The following TTN variants were observed in gnomAD, a reference collection of about 807,000 sequenced individuals.
TTN encodes connectin.
TTN carries 1,525 observed loss-of-function variants against 3,223.0 expected under a neutral mutation model. The observed-to-expected ratio is 0.47, with a 90% CI of 0.45 to 0.49. TTN has a LOEUF of 0.49. Ranked by LOEUF, TTN falls within the 20% of genes least tolerant of loss-of-function variation. TTN has a pLI of 0.00. For synonymous variants in TTN, 14,094 were observed against 15,161.0 expected, an observed-to-expected ratio of 0.93 and a Z score of 5.17; for missense variants, 40,786 against 43,424.0, an observed-to-expected ratio of 0.94 and a Z score of 5.40.
At position 178,609,284 on chromosome 2, in the gene TTN, A is replaced by G. The variant is rs368435750; in HGVS notation, c.52026T>C (p.Pro17342=). The G allele has an allele frequency of 6.3e-7, 1 of 1,588,106 alleles. No homozygotes were observed. The highest frequency in any genetic ancestry group is 1.4e-5 in the African/African-American group (1 of 73,982). Residue 17342 remains proline, a synonymous_variant, in exon 273 of 363, where the codon CCT becomes CCC. Transcript: ENST00000589042. ...SQLRVRDSLR[P]DHGLYMIKVE... Reference sequence around the variant, plus strand: ...CTTTGATCATATACAGACCATGGTCAGGTCGGAGAGAATCTCGGACGCGTA... The same window carrying G: ...CTTTGATCATATACAGACCATGGTCGGGTCGGAGAGAATCTCGGACGCGTA...
intron 13 of TTN, among the ~76,000 whole-genome samples, chr2:178,786,495 G>C (rs952641916): frequency 2.6e-5 from 4 of 152,116 alleles, no homozygotes; most frequent in African/African-American, 9.7e-5. Flanking sequence ...TTTGGAGCTG[G>C]TTCTTTTCAC....
rs752748458 is a variant in TTN, at chr2:178,584,371, C to T, written c.65180G>A (p.Gly21727Asp). The T allele has an allele frequency of 6.2e-7, 1 of 1,613,140 alleles. No individual in the cohort carries two copies. The highest frequency in any genetic ancestry group is 1.3e-5 in the African/African-American group (1 of 74,870). ...TEYPCAGLVE[G>D]LEYSFRIYAL... The stretch of plus-strand genomic sequence containing the variant: ...ATAGATTCTGAATGAATACTCAAGA[C>T]CTTCTACAAGGCCAGCACAAGGATA... Residue 21727 changes from glycine (G) to aspartate (D), a missense_variant, in exon 311 of 363, where the codon GGT becomes GAT. Physicochemically the swap from Gly to Asp is moderately conservative, Grantham distance 94. Transcript: ENST00000589042.
chr2:178,632,044 C>T lies in TTN; in HGVS notation c.43747+103G>A, dbSNP rs2059870354. ...GATAGCTTCTTAAGGAGTTGGGCTG[C>T]TTTCATGCAATATAACACTTAGAAG... is the stretch of plus-strand genomic sequence containing the variant. On this transcript the variant is annotated intron_variant, in intron 236 of 362. Transcript: ENST00000589042. 3.9e-6 allele frequency: 5 copies of T among 1,287,092 alleles called. No homozygotes were observed. In the South Asian group the frequency reaches 9.9e-5, roughly 25 times the overall value. The allele number at this position is 1,287,092 out of a possible 1,614,324, so 79.7% of individuals were successfully genotyped here. A position where few individuals can be genotyped will look rare whatever the true frequency, so the allele number is the denominator to read the frequency against.
rs1242111129 is a variant in TTN, at chr2:178,741,660, A to G, written c.11573T>C (p.Val3858Ala). The G allele has an allele frequency of 1.2e-6, 2 of 1,613,758 alleles. No individual in the cohort carries two copies. Among genetic ancestry groups the G allele is most frequent in the South Asian group, 1.1e-5 (1 of 91,082 alleles). Residue 3858 changes from valine to alanine, a missense_variant, in exon 48 of 363, where the codon GTG becomes GCG. By Grantham distance (64) the Val-to-Ala change is moderately conservative. Coordinates refer to ENST00000589042, the MANE Select transcript of TTN (RefSeq NM_001267550.2). ...GTAGTCAGCAGAAGGGGTTAATAGC[A>G]CTCCATTAAAGAACCACTGAATTTT... ...KPKIQWFFNG[V>A]LLTPSADYKF... is the part of the protein sequence containing the mutation.
In TTN at chr2:178,563,934, C is replaced by T; in HGVS notation, c.82198G>A (p.Ala27400Thr). The T allele has an allele frequency of 1.2e-6, 2 of 1,613,646 alleles. No homozygotes were observed. Among genetic ancestry groups the T allele is most frequent in the Non-Finnish European group, 1.7e-6 (2 of 1,179,720 alleles). Residue 27400 changes from alanine to threonine, a missense_variant, in exon 326 of 363, where the codon GCT (alanine) becomes ACT (threonine). Transcript: ENST00000589042. This position sits in a 1 kb window ranked among gnomAD's most constrained non-coding sequence, Gnocchi z 4.5. Reference protein sequence around the residue: ...AWNPPLQDGGANISHYIIEKR... With the variant: ...AWNPPLQDGGTNISHYIIEKR... ...TCAATGATGTAATGTGAAATATTAGCACCACCATCTTGCAAAGGTGGGTTC... is the reference window on the plus strand; with the variant it reads ...TCAATGATGTAATGTGAAATATTAGTACCACCATCTTGCAAAGGTGGGTTC...
At chr2:178,554,413 A>T (rs983071889) in intron 332 of TTN, 40 bp downstream of exon 332, 21 of 1,588,086 alleles carry the variant, frequency 1.3e-5, no homozygotes, top group Non-Finnish European at 1.8e-5. Context: ...TTATTTTTAA[A>T]TTTTTCACGT....
Position 178,553,579 on chromosome 2 carries a change from CG to C in TTN, c.89425del (p.Arg29809GlyfsTer5). ...NLKPGVNYYF[R>X]VSAVNCAGQG... ...TCCAGCACAGTTTACAGCAGATACCCGGAAGTAGTAATTGACTCCAGGTTTC... is the reference window on the plus strand; with the variant it reads ...TCCAGCACAGTTTACAGCAGATACCCGAAGTAGTAATTGACTCCAGGTTTC... On this transcript the variant is annotated frameshift_variant, in exon 334 of 363. Coordinates refer to ENST00000589042, the MANE Select transcript of TTN (RefSeq NM_001267550.2). LOFTEE classifies it high-confidence loss of function. 6.2e-7 allele frequency: 1 copy of C among 1,613,840 alleles called. No homozygotes were observed.
rs763921804 is a variant in TTN, at chr2:178,689,815, T to A, written c.31844A>T (p.Lys10615Ile). ...VAKKKEAPPAKVPEVQKGVVT... is the reference protein window; with the variant it reads ...VAKKKEAPPAIVPEVQKGVVT... ...CTTTACGTCGAAAGCCACTGTACCT[T>A]TAGCTGGGGGAGCTTCCTTTTTCTT... The change falls in exon 122 of 363, where the codon AAA (lysine) becomes ATA (isoleucine). Residue 10615 changes from lysine (K) to isoleucine (I), a missense_variant and splice_region_variant. Coordinates refer to ENST00000589042, the MANE Select transcript of TTN (RefSeq NM_001267550.2). 2.5e-6 allele frequency: 4 copies of A among 1,608,358 alleles called. No homozygotes were observed. The East Asian group carries it at 8.9e-5, about 36-fold the overall frequency.
Position 178,721,897 on chromosome 2 carries a change from G to A in TTN, c.22766C>T (p.Ala7589Val). The stretch of plus-strand genomic sequence containing the variant: ...CATGTCTTTGCCAACATCATTGGTT[G>A]CTTGGCAAGTATATTGACCAGAGTC... Reference protein sequence around the residue: ...KGDSGQYTCQATNDVGKDMCS... With the variant: ...KGDSGQYTCQVTNDVGKDMCS... Residue 7589 changes from alanine to valine, a missense_variant, in exon 78 of 363, where the codon GCA becomes GTA. Transcript: ENST00000589042. 6.2e-7 allele frequency: 1 copy of A among 1,613,232 alleles called. No homozygotes were observed. Among genetic ancestry groups the A allele is most frequent in the Non-Finnish European group, 8.5e-7 (1 of 1,179,444 alleles).
chr2:178,528,507 T>C (rs1481377943), intron 360 of TTN, 21 bp downstream of exon 360: 3 of 1,597,148 alleles, frequency 1.9e-6, no homozygotes, highest in African/African-American at 2.7e-5. Flanking sequence ...TCTTCAATAA[T>C]ATATTCATAA....
rs72629787 is a variant in TTN at position 178,532,238 on chromosome 2, T to G, written c.104377A>C (p.Met34793Leu). The G allele has an allele frequency of 1.5e-3, 2,501 of 1,613,738 alleles. 52 individuals carry two copies. The African/African-American group carries it at 0.03, about 19-fold the overall frequency. Reference sequence around the variant, plus strand: ...TTTCTAGACTTTTCCTCCTTTGACATGAAGTCAAGTTCGCTTTTGTATTCT... The same window carrying G: ...TTTCTAGACTTTTCCTCCTTTGACAGGAAGTCAAGTTCGCTTTTGTATTCT... ...LSEYKSELDF[M>L]SKEEKSRKKS... Residue 34793 changes from methionine (M) to leucine (L), a missense_variant, in exon 358 of 363, where the codon ATG (methionine) becomes CTG (leucine). By Grantham distance (15) the Met-to-Leu change is conservative. Transcript: ENST00000589042.
Position 178,792,471 on chromosome 2 carries a change from A to C in TTN, c.1537-274T>G, listed in dbSNP as rs569912324. On this transcript the variant is annotated intron_variant, in intron 9 of 362. Coordinates refer to ENST00000589042, the MANE Select transcript of TTN (RefSeq NM_001267550.2). The stretch of plus-strand genomic sequence containing the variant: ...GTAGTCTTCTTTAAAATGACTTCCA[A>C]TGTTTACAAATAGATCTATGGCAAT... Among the ~76,000 whole-genome samples the C allele has an allele frequency of 2.0e-5, 3 of 152,332 alleles. No homozygotes were observed. In the South Asian group the frequency reaches 6.2e-4, roughly 32 times the overall value.
In TTN at chr2:178,560,213, G is replaced by C. The variant is rs952971526; in HGVS notation, c.85919C>G (p.Ser28640Cys). 2.5e-6 allele frequency: 4 copies of C among 1,613,680 alleles called. No homozygotes were observed. The highest frequency in any genetic ancestry group is 3.4e-6 in the Non-Finnish European group (4 of 1,179,794). The part of the protein sequence containing the change: ...AAGLSLPSET[S>C]PLIRAEDPVF... ...TGGATCTTCTGCCCTAATTAAGGGA[G>C]AGGTTTCACTTGGAAGACTTAGGCC... Residue 28640 changes from serine to cysteine, a missense_variant, in exon 326 of 363, where the codon TCT becomes TGT. Transcript: ENST00000589042.
chr2:178,717,682 C>T lies in TTN; in HGVS notation c.25192G>A (p.Val8398Ile), dbSNP rs535933745. 5.0e-6 allele frequency: 8 copies of T among 1,613,326 alleles called. No homozygotes were observed. The South Asian group carries it at 5.5e-5, about 11-fold the overall frequency. The stretch of plus-strand genomic sequence containing the variant: ...AAATTAGCATCATCTTTCAAAAGAA[C>T]CCCATCCTTGTACCAAGACACTTGA... Reference protein sequence around the residue: ...PLQVSWYKDGVLLKDDANLQT... With the variant: ...PLQVSWYKDGILLKDDANLQT... Residue 8398 changes from valine to isoleucine, a missense_variant, in exon 87 of 363, where the codon GTT becomes ATT. Transcript: ENST00000589042.
Position 178,649,706 on chromosome 2 carries a change from T to C in TTN, c.39896-75A>G, listed in dbSNP as rs2562845. 334,854 of 1,536,612 alleles carry C rather than the reference T, an allele frequency of 0.22. 40,730 individuals carry two copies. The highest frequency in any genetic ancestry group is 0.55 in the East Asian group (24,351 of 43,882). On this transcript the variant is annotated intron_variant, in intron 211 of 362. Coordinates refer to ENST00000589042, the MANE Select transcript of TTN (RefSeq NM_001267550.2). ...ATATACATACAAGTTTATTCAACACTGTAACATATAGGTAAGAGTTAACAA... is the reference window on the plus strand; with the variant it reads ...ATATACATACAAGTTTATTCAACACCGTAACATATAGGTAAGAGTTAACAA...
At position 178,706,612 on chromosome 2, in the gene TTN, T is replaced by G; in HGVS notation, c.29262A>C (p.Ala9754=). 1 of 1,613,962 alleles carries G rather than the reference T, an allele frequency of 6.2e-7. No individual in the cohort carries two copies. Among genetic ancestry groups the G allele is most frequent in the Non-Finnish European group, 8.5e-7 (1 of 1,179,856 alleles). Residue 9754 remains alanine (A), a synonymous_variant, in exon 102 of 363, where the codon GCA becomes GCC. Transcript: ENST00000589042. The part of the protein sequence containing the change: ...RVFIHQKGDE[A]KLEIRDTTKT... ...TTGTGGTGTCCCTAATCTCCAGTTT[T>G]GCTTCATCGCCTTTTTGGTGGATGA...
At chr2:178,779,798 A>C (rs1303548294) in intron 22 of TTN, 1 of 591,272 alleles carries the variant, frequency 1.7e-6, no homozygotes, top group African/African-American at 1.9e-5. Flanking sequence ...TTAAAGTCAC[A>C]TTTATGGCCT....
chr2:178,597,667 T>C lies in TTN; in HGVS notation c.57415A>G (p.Ile19139Val). Residue 19139 changes from isoleucine (I) to valine (V), a missense_variant, in exon 294 of 363, where the codon ATT becomes GTT. Ile to Val is a conservative substitution (Grantham distance 29). Transcript: ENST00000589042. ...NERTLPQEAT[I>V]ETTAISSSMV... is the part of the protein sequence containing the mutation. ...GATGAGCTAATGGCTGTGGTCTCAA[T>C]GGTGGCTTCTTGAGGTAAGGTTCTT... is the stretch of plus-strand genomic sequence containing the variant. 1.9e-6 allele frequency: 3 copies of C among 1,613,346 alleles called. No individual in the cohort carries two copies. The highest frequency in any genetic ancestry group is 2.5e-6 in the Non-Finnish European group (3 of 1,179,556).
intron 308 of TTN, 37 bp downstream of exon 308, chr2:178,586,468 C>T (rs759833719): frequency 2.5e-5 from 40 of 1,600,620 alleles, no homozygotes; most frequent in Non-Finnish European, 3.3e-5. Flanking sequence ...TTCTAATAAA[C>T]TTACCACATG....
Sources: allele counts gnomAD v4.1 joint callset (sites outside exome capture counted in the v4.1 genomes callset), GRCh38; gene constraint gnomAD v4.1.1; non-coding constraint Gnocchi (gnomAD v3.1); transcripts MANE v1.5; gene names NCBI Gene and HGNC (gene_info 2026-07-23, HGNC 2026-07-21).